PCDHGA4: variants seen among roughly 807,000 people sequenced by gnomAD.
PCDHGA4 encodes protocadherin gamma subfamily A, 4.
A neutral mutation model predicts 54.6 loss-of-function variants in PCDHGA4; 38 were observed. The ratio of observed to expected loss-of-function variants is 0.70; its 90% CI spans 0.54 to 0.91. The LOEUF is 0.91. Ranked by LOEUF, PCDHGA4 falls within the 40% of genes least tolerant of loss-of-function variation. The pLI, the probability that PCDHGA4 is intolerant of heterozygous loss-of-function variation, is 0.00. For missense variants in PCDHGA4, 1,298 were observed against 1,220.9 expected (o/e 1.06, Z -0.94); for synonymous variants, 511 against 512.9 (o/e 1.00, Z 0.05).
At chr5:141,496,768 A>G (rs997951321) in intron 2 of PCDHGA4, among the ~76,000 whole-genome samples, 10 of 152,260 alleles carry the variant, frequency 6.6e-5, no homozygotes, top group African/African-American at 2.4e-4. Context: ...TCGAGCATCT[A>G]CTATGAGCAG....
At position 141,383,936 on chromosome 5, in the gene PCDHGA4, AAGTGACTATG is replaced by A. The variant is rs765282926; in HGVS notation, c.2514+26317_2514+26326del. On this transcript the variant is annotated intron_variant, in intron 1 of 3. Coordinates refer to ENST00000571252, the MANE Select transcript of PCDHGA4 (RefSeq NM_018917.4). ...TTAGATGTAAATGATAATGCTCCAG[AAGTGACTATG>A]ACGTCTTTAAGTAGCTCAATCCCTG... 5.0e-6 allele frequency: 8 copies of A among 1,613,818 alleles called. No homozygotes were observed. In the South Asian group the frequency reaches 8.8e-5, roughly 18 times the overall value.
At chr5:141,387,725 C>A (rs986434485) in intron 1 of PCDHGA4, 2 of 1,183,102 alleles carry the variant, frequency 1.7e-6, no homozygotes, top group Non-Finnish European at 2.3e-6. Context: ...GACTCCCCAG[C>A]GCCAGCCTTT....
intron 3 of PCDHGA4, among the ~76,000 whole-genome samples, chr5:141,508,658 A>G (rs1420910010): frequency 2.0e-5 from 3 of 152,086 alleles, no homozygotes; most frequent in African/African-American, 4.8e-5. Flanking sequence ...CCTTCCTGTC[A>G]TTCTGTCTCT....
rs545421792 is a variant in PCDHGA4 at position 141,414,806 on chromosome 5, C to T, written c.2514+57185C>T. ...GTGACAGCCAGCGACAGCGGGGATC[C>T]TCCACTCAGCAGCAACGTGTCGTTG... On this transcript the variant is annotated intron_variant, in intron 1 of 3. Coordinates refer to ENST00000571252, the MANE Select transcript of PCDHGA4 (RefSeq NM_018917.4). 2.2e-5 allele frequency: 36 copies of T among 1,614,244 alleles called. No individual in the cohort carries two copies. The South Asian group carries it at 3.1e-4, about 14-fold the overall frequency.
intron 1 of PCDHGA4, among the ~76,000 whole-genome samples, chr5:141,458,101 G>C (rs530847477): frequency 3.3e-5 from 5 of 152,200 alleles, no homozygotes; most frequent in Non-Finnish European, 7.4e-5. Flanking sequence ...AGTACTTACA[G>C]ATAGTCTCCA....
At chr5:141,419,192 G>C (rs772847766) in intron 1 of PCDHGA4, 2 of 1,613,934 alleles carry the variant, frequency 1.2e-6, no homozygotes, top group Admixed American at 1.7e-5. Context: ...CATTACTGAC[G>C]TCAATGACAA....
chr5:141,457,159 T>C (rs908257499), intron 1 of PCDHGA4, among the ~76,000 whole-genome samples: 5 of 152,212 alleles, frequency 3.3e-5, no homozygotes, highest in Non-Finnish European at 7.3e-5. Flanking sequence ...GGTGCTACCA[T>C]GGATAACCCT....
chr5:141,375,702 C>T, intron 1 of PCDHGA4: 2 of 1,614,242 alleles, frequency 1.2e-6, no homozygotes, highest in Non-Finnish European at 1.7e-6. Flanking sequence ...AGCGGGGACC[C>T]GCCTCTTAGC....
At chr5:141,470,508 G>A (rs947583701) in intron 1 of PCDHGA4, among the ~76,000 whole-genome samples, 10 of 152,176 alleles carry the variant, frequency 6.6e-5, no homozygotes, top group African/African-American at 2.4e-4. Flanking sequence ...TAATTAGACA[G>A]TTAGCTAATA....
intron 1 of PCDHGA4, among the ~76,000 whole-genome samples, chr5:141,382,170 C>T (rs1056617010): frequency 1.3e-5 from 2 of 151,888 alleles, no homozygotes; most frequent in Non-Finnish European, 2.9e-5. Context: ...GGTGTTAGAC[C>T]GTCTCTAAGG....
chr5:141,421,498 A>T (rs1303740754), intron 1 of PCDHGA4: 2 of 1,613,952 alleles, frequency 1.2e-6, no homozygotes, highest in African/African-American at 1.3e-5. Context: ...GGCAGGCAGG[A>T]TAGACCGGGA....
In PCDHGA4 at chr5:141,476,182, G is replaced by A. The variant is rs369561139; in HGVS notation, c.2515-18625G>A. On this transcript the variant is annotated intron_variant, in intron 1 of 3. Coordinates refer to ENST00000571252, the MANE Select transcript of PCDHGA4 (RefSeq NM_018917.4). This position sits in a 1 kb window ranked among gnomAD's most constrained non-coding sequence, Gnocchi z 7.6. ...GGAGGGTAGTGGGAGTTTTGCTTCT[G>A]CTTGGTGCCTTGAACAAGGCTTCCA... 5 of 1,613,554 alleles carry A rather than the reference G, an allele frequency of 3.1e-6. No homozygotes were observed. Among genetic ancestry groups the A allele is most frequent in the Admixed American group, 1.7e-5 (1 of 59,996 alleles).
At chr5:141,370,916 T>G in intron 1 of PCDHGA4, 1 of 1,614,016 alleles carries the variant, frequency 6.2e-7, no homozygotes, top group Non-Finnish European at 8.5e-7. Context: ...ACCTCAGCCC[T>G]GATCCGCACT....
chr5:141,419,334 T>C (rs1260087339), intron 1 of PCDHGA4: 3 of 1,613,870 alleles, frequency 1.9e-6, no homozygotes, highest in Non-Finnish European at 8.5e-7. Flanking sequence ...TACTCTCTCA[T>C]TGCCAGCGAC....
intron 1 of PCDHGA4, chr5:141,366,543 C>A: frequency 6.2e-7 from 1 of 1,614,244 alleles, no homozygotes; most frequent in Non-Finnish European, 8.5e-7. Context: ...GTGCCCGCCT[C>A]GCACTTTGTG....
chr5:141,428,546 A>C (rs1476382847), intron 1 of PCDHGA4: 1 of 263,642 alleles, frequency 3.8e-6, no homozygotes, highest in Non-Finnish European at 7.5e-6. Flanking sequence ...ATGACACCAG[A>C]AACAGTCCCC....
Position 141,418,036 on chromosome 5 carries a change from G to C in PCDHGA4, c.2514+60415G>C, listed in dbSNP as rs933500300. ...CTAAGGATCTAGGGCTTAGTGTCCT[G>C]GATGTGTCGGCTCGCGAGCTGCGAG... On this transcript the variant is annotated intron_variant, in intron 1 of 3. Coordinates refer to ENST00000571252, the MANE Select transcript of PCDHGA4 (RefSeq NM_018917.4). 3.7e-6 allele frequency: 6 copies of C among 1,613,902 alleles called. No individual in the cohort carries two copies. The African/African-American group carries it at 8.0e-5, about 22-fold the overall frequency.
rs1304745110 is a variant in PCDHGA4, at chr5:141,356,463, T to C, written c.1356T>C (p.Thr452=). The C allele has an allele frequency of 2.5e-6, 4 of 1,613,576 alleles. No individual in the cohort carries two copies. Among genetic ancestry groups the C allele is most frequent in the Non-Finnish European group, 3.4e-6 (4 of 1,179,722 alleles). ...DREEVSEYNI[T]VTATDQGTPP... ...AAGAAGTCTCAGAATATAACATCAC[T>C]GTAACTGCCACTGACCAGGGAACTC... The change falls in exon 1 of 4, where the codon ACT becomes ACC. Residue 452 remains threonine (T), a synonymous_variant. Transcript: ENST00000571252.
At position 141,459,533 on chromosome 5, in the gene PCDHGA4, A is replaced by AT. The variant is rs956234847; in HGVS notation, c.2515-35266dup. Among the ~76,000 whole-genome samples the AT allele has an allele frequency of 1.2e-4, 18 of 152,018 alleles. No homozygotes were observed. In the South Asian group the frequency reaches 2.3e-3, roughly 19 times the overall value. ...CATGTACAAGTATTTTTGTAGGCAT[A>AT]TTTTTTTTATTTCTCTTGGATAAAT... is the stretch of plus-strand genomic sequence containing the variant. On this transcript the variant is annotated intron_variant, in intron 1 of 3. Transcript: ENST00000571252.
Sources: gnomAD v4.1 joint callset for allele counts (sites outside exome capture counted in the v4.1 genomes callset) on GRCh38, gnomAD v4.1.1 for gene constraint, Gnocchi (gnomAD v3.1) non-coding constraint, MANE v1.5 for transcripts, NCBI Gene and HGNC (gene_info 2026-07-23, HGNC 2026-07-21) for gene names.